The following THSD4 variants were observed in gnomAD, a reference collection of about 807,000 sequenced individuals.
THSD4 encodes the protein thrombospondin type-1 domain-containing protein 4.
Under a neutral mutation model 119.0 loss-of-function variants are expected in THSD4, and 69 were observed. The observed-to-expected ratio is 0.58, with a 90% CI of 0.48 to 0.71. THSD4 has a LOEUF of 0.71. Among genes scored for constraint, THSD4 ranks in the 30% least tolerant of loss-of-function variants. THSD4 has a pLI of 0.00. For synonymous variants in THSD4, 524 were observed against 540.4 expected, an observed-to-expected ratio of 0.97 and a Z score of 0.42; for missense variants, 1,393 against 1,391.1, an observed-to-expected ratio of 1.00 and a Z score of -0.02.
At chr15:71,603,248 G>A (rs1459497153) in intron 7 of THSD4, among the ~76,000 whole-genome samples, 3 of 152,132 alleles carry the variant, frequency 2.0e-5, no homozygotes, top group African/African-American at 7.2e-5. Context: ...TGAGGGGAAT[G>A]GAATTTACTG....
intron 7 of THSD4, among the ~76,000 whole-genome samples, chr15:71,412,542 C>G (rs1047968295): frequency 2.0e-5 from 3 of 152,164 alleles, no homozygotes; most frequent in Admixed American, 2.0e-4. Context: ...TAAGATTTAG[C>G]AGGTAAATGA....
intron 7 of THSD4, among the ~76,000 whole-genome samples, chr15:71,614,343 G>T (rs1388694402): frequency 6.6e-6 from 1 of 152,026 alleles, no homozygotes; most frequent in African/African-American, 2.4e-5. Flanking sequence ...TGTCATTTTC[G>T]CCTGCTTTTT....
At chr15:71,209,585 A>G (rs2043872351) in intron 3 of THSD4, among the ~76,000 whole-genome samples, 1 of 151,830 alleles carries the variant, frequency 6.6e-6, no homozygotes, top group Non-Finnish European at 1.5e-5. Flanking sequence ...TTCATCTTCC[A>G]CTCCTTTCCT....
At chr15:71,397,302 C>G (rs775897675) in intron 6 of THSD4, among the ~76,000 whole-genome samples, 21 of 152,288 alleles carry the variant, frequency 1.4e-4, no homozygotes, top group Non-Finnish European at 2.8e-4. Flanking sequence ...ATTTGTGTGA[C>G]TAGTTAATTC....
chr15:71,198,178 G>T (rs1383576241), intron 3 of THSD4, among the ~76,000 whole-genome samples: 1 of 152,206 alleles, frequency 6.6e-6, no homozygotes, highest in Non-Finnish European at 1.5e-5. Context: ...GGAGGATTGC[G>T]TGAGCCCAGG....
chr15:71,194,593 G>A (rs368343126), intron 3 of THSD4, among the ~76,000 whole-genome samples: 68 of 152,250 alleles, frequency 4.5e-4, no homozygotes, highest in East Asian at 1.2e-3. Flanking sequence ...TTCTCTTACC[G>A]AAGACAAGGC....
At chr15:71,597,961 A>G (rs183779624) in intron 7 of THSD4, among the ~76,000 whole-genome samples, 265 of 152,280 alleles carry the variant, frequency 1.7e-3, no homozygotes, top group Non-Finnish European at 3.3e-3. Flanking sequence ...GGCTCTTACT[A>G]TGGTCCCAAT....
Position 71,746,674 on chromosome 15 carries a change from C to T in THSD4, c.2037-164C>T, listed in dbSNP as rs546072012. On this transcript the variant is annotated intron_variant, in intron 12 of 17. Coordinates refer to ENST00000261862, the MANE Select transcript of THSD4 (RefSeq NM_024817.3). ...CTTCCCAAAGTGCTGGGATTACAGG[C>T]GTGCGCCACTGTGCCCAGCCTAGGC... Among the ~76,000 whole-genome samples the T allele has an allele frequency of 6.6e-5, 10 of 152,348 alleles. No individual in the cohort carries two copies. The East Asian group carries it at 1.5e-3, about 24-fold the overall frequency.
intron 8 of THSD4, among the ~76,000 whole-genome samples, chr15:71,687,778 C>T (rs967770108): frequency 7.6e-5 from 6 of 79,284 alleles, no homozygotes; most frequent in African/African-American, 2.4e-4. Context: ...AAAAACAAAC[C>T]AGCACCTCAG....
rs80210159 is a variant in THSD4 at position 71,102,999 on chromosome 15, T to G, written c.-80+5993T>G. 4.7e-3 allele frequency among the ~76,000 whole-genome samples: 722 copies of G among 152,358 alleles called. 7 individuals carry two copies. Among genetic ancestry groups the G allele is most frequent in the African/African-American group, 0.017 (711 of 41,580 alleles). ...ATGTTTGGTAATTCTAACATCTGTA[T>G]CTTCTCAGGGTTAGTGTCTGTTGAT... is the stretch of plus-strand genomic sequence containing the variant. On this transcript the variant is annotated intron_variant, in intron 1 of 17. Coordinates refer to the THSD4 transcript ENST00000355327.
At chr15:71,293,650 T>C (rs1015805860) in intron 6 of THSD4, among the ~76,000 whole-genome samples, 1 of 152,198 alleles carries the variant, frequency 6.6e-6, no homozygotes, top group African/African-American at 2.4e-5. Flanking sequence ...TATGAATGTT[T>C]GCAACTTACA....
intron 16 of THSD4, among the ~76,000 whole-genome samples, 153 bp downstream of exon 16, chr15:71,765,352 A>C (rs2053697831): frequency 6.6e-6 from 1 of 152,106 alleles, no homozygotes; most frequent in Non-Finnish European, 1.5e-5. Context: ...GTACCCCGTG[A>C]CTCAGCCTGC....
chr15:71,450,257 GC>G (rs2140579257), intron 7 of THSD4, among the ~76,000 whole-genome samples: 1 of 152,348 alleles, frequency 6.6e-6, no homozygotes, highest in South Asian at 2.1e-4. Context: ...CCTGGAGGAA[GC>G]TTAGGCCTGG....
At chr15:71,155,913 T>G (rs1244145069) in intron 3 of THSD4, among the ~76,000 whole-genome samples, 2 of 152,054 alleles carry the variant, frequency 1.3e-5, no homozygotes, top group Non-Finnish European at 2.9e-5. Context: ...AAGGCTTTGA[T>G]GCAGTCCCCA....
At chr15:71,659,311 C>G (rs893018257) in intron 7 of THSD4, among the ~76,000 whole-genome samples, 4 of 152,302 alleles carry the variant, frequency 2.6e-5, no homozygotes, top group Admixed American at 6.5e-5. Context: ...GAACATGAGT[C>G]CCAATTTTAG....
intron 7 of THSD4, among the ~76,000 whole-genome samples, chr15:71,573,963 A>G (rs1214602203): frequency 6.6e-6 from 1 of 152,342 alleles, no homozygotes; most frequent in South Asian, 2.1e-4. Flanking sequence ...AAAATGTTCC[A>G]TAGAGGATTT....
intron 8 of THSD4, among the ~76,000 whole-genome samples, chr15:71,687,867 C>A (rs1196112586): frequency 6.6e-6 from 1 of 151,874 alleles, no homozygotes; most frequent in Non-Finnish European, 1.5e-5. Context: ...CAAAGTATGC[C>A]AATATGCAAA....
chr15:71,758,688 G>A (rs1157999493), intron 15 of THSD4, among the ~76,000 whole-genome samples: 1 of 152,202 alleles, frequency 6.6e-6, no homozygotes, highest in African/African-American at 2.4e-5. Flanking sequence ...CAGTATTGGA[G>A]TTCTTGAGCC....
chr15:71,338,394 G>GAT (rs2045515661), intron 6 of THSD4, among the ~76,000 whole-genome samples: 1 of 152,012 alleles, frequency 6.6e-6, no homozygotes, highest in Admixed American at 6.6e-5. Context: ...AACACTTATA[G>GAT]ATATCAGGGA....
Sources: allele counts gnomAD v4.1 joint callset (sites outside exome capture counted in the v4.1 genomes callset), GRCh38; gene constraint gnomAD v4.1.1; transcripts MANE v1.5; gene names NCBI Gene and HGNC (gene_info 2026-07-23, HGNC 2026-07-21).